LSP1: variants seen among roughly 807,000 people sequenced by gnomAD.
The protein encoded by LSP1 is lymphocyte specific protein 1.
LSP1 carries 32 observed loss-of-function variants against 49.3 expected under a neutral mutation model. The ratio of observed to expected loss-of-function variants is 0.65; its 90% CI spans 0.49 to 0.87. LSP1 has a LOEUF of 0.87. LSP1 is among the 40% of genes least tolerant of loss of function. The probability of loss-of-function intolerance (pLI) is 0.00; values close to 1 mark genes in which losing one functional copy is unlikely to be tolerated. For missense variants in LSP1, 428 were observed against 442.6 expected, an observed-to-expected ratio of 0.97 and a Z score of 0.30; for synonymous variants, 179 against 178.8, an observed-to-expected ratio of 1.00 and a Z score of -0.01.
intron 2 of LSP1, 50 bp downstream of exon 2, chr11:1,880,274 C>T: frequency 6.7e-7 from 1 of 1,494,726 alleles, no homozygotes; most frequent in Admixed American, 2.3e-5. Flanking sequence ...ATCCGTGTAC[C>T]CTGGGGCCTG....
Position 1,884,325 on chromosome 11 carries a change from T to C in LSP1, c.635+2T>C. 1 of 1,611,980 alleles carries C rather than the reference T, an allele frequency of 6.2e-7. No individual in the cohort carries two copies. Among genetic ancestry groups the C allele is most frequent in the African/African-American group, 1.3e-5 (1 of 74,854 alleles). The stretch of plus-strand genomic sequence containing the variant: ...CCTAAACCGCTCCATAGAGAAGAGG[T>C]CTGTCTGTCTGTCTGTCTGCTTTCT... On this transcript the variant is annotated splice_donor_variant, in intron 6 of 10. Coordinates refer to ENST00000311604, the MANE Select transcript of LSP1 (RefSeq NM_002339.3). LOFTEE classifies it high-confidence loss of function. This position sits in a 1 kb window ranked among gnomAD's most constrained non-coding sequence, Gnocchi z 4.1.
intron 1 of LSP1, chr11:1,868,867 G>T: frequency 1.0e-6 from 1 of 985,844 alleles, no homozygotes; most frequent in Non-Finnish European, 1.2e-6. Context: ...CGGCAGCCAG[G>T]GTGCCCTGGG....
chr11:1,854,417 G>A (rs376235684), intron 1 of LSP1, among the ~76,000 whole-genome samples: 8 of 152,196 alleles, frequency 5.3e-5, no homozygotes, highest in Non-Finnish European at 7.3e-5. Context: ...ACCACCTCCC[G>A]GCCTTCACAC....
chr11:1,873,844 G>GCTGGCAGAGCAGGGAGC (rs1848154730), intron 1 of LSP1, among the ~76,000 whole-genome samples: 7 of 114,852 alleles, frequency 6.1e-5, no homozygotes, highest in Non-Finnish European at 7.7e-5. Context: ...GAGGAGGGAG[G>GCTGGCAGAGCAGGGAGC]CCGGCAGAGG....
intron 1 of LSP1, chr11:1,870,167 C>A: frequency 2.6e-6 from 2 of 771,786 alleles, no homozygotes; most frequent in Non-Finnish European, 4.0e-6. Flanking sequence ...AGGACCAAGG[C>A]CGGTCCACTT....
At chr11:1,878,440 G>A (rs1313385693) in intron 1 of LSP1, among the ~76,000 whole-genome samples, 2 of 152,196 alleles carry the variant, frequency 1.3e-5, no homozygotes, top group Non-Finnish European at 2.9e-5. Flanking sequence ...GGGAGTTGAA[G>A]GCACTTCTGA....
rs1020067990 is a variant in LSP1, at chr11:1,866,319, C to T, written c.53+13122C>T. 2.2e-5 allele frequency: 14 copies of T among 647,094 alleles called. No homozygotes were observed. The South Asian group carries it at 4.1e-4, about 19-fold the overall frequency. The allele number at this position is 647,094 out of a possible 1,614,324, so 40.1% of individuals were successfully genotyped here. A position where few individuals can be genotyped will look rare whatever the true frequency, so the allele number is the denominator to read the frequency against. On this transcript the variant is annotated intron_variant, in intron 1 of 10. Coordinates refer to ENST00000311604, the MANE Select transcript of LSP1 (RefSeq NM_002339.3). ...CTGGCATCGGTCGGCTTGCCACTGC[C>T]CACCCAGGCCAGGCACTCAGTGCTG...
chr11:1,861,587 TTGGA>T (rs994155042), intron 1 of LSP1, among the ~76,000 whole-genome samples: 2 of 141,996 alleles, frequency 1.4e-5, no homozygotes, highest in African/African-American at 2.7e-5. Flanking sequence ...AGATGAATGG[TTGGA>T]TGGATGGATG....
At position 1,884,326 on chromosome 11, in the gene LSP1, C is replaced by T. The variant is rs762274269; in HGVS notation, c.635+3C>T. The stretch of plus-strand genomic sequence containing the variant: ...CTAAACCGCTCCATAGAGAAGAGGT[C>T]TGTCTGTCTGTCTGTCTGCTTTCTG... On this transcript the variant is annotated splice_donor_region_variant and intron_variant, in intron 6 of 10. Coordinates refer to ENST00000311604, the MANE Select transcript of LSP1 (RefSeq NM_002339.3). The surrounding 1 kb of genome is among the most constrained non-coding windows in gnomAD (Gnocchi z 4.1). 4.3e-6 allele frequency: 7 copies of T among 1,612,184 alleles called. No homozygotes were observed. In the East Asian group the frequency reaches 1.6e-4, roughly 36 times the overall value.
At chr11:1,857,601 GC>G (rs1472329400) in intron 1 of LSP1, among the ~76,000 whole-genome samples, 1 of 152,172 alleles carries the variant, frequency 6.6e-6, no homozygotes, top group Non-Finnish European at 1.5e-5. Flanking sequence ...GGGCTGCAAG[GC>G]CCCAGGGCTG....
intron 1 of LSP1, among the ~76,000 whole-genome samples, chr11:1,867,417 A>T (rs1212914686): frequency 8.1e-5 from 12 of 147,736 alleles, no homozygotes; most frequent in Non-Finnish European, 1.2e-4. Context: ...CACTGCCATG[A>T]TCTCTTCTCT....
chr11:1,880,366 G>A, intron 2 of LSP1, 142 bp downstream of exon 2: 1 of 1,065,012 alleles, frequency 9.4e-7, no homozygotes, highest in Non-Finnish European at 1.3e-6. Flanking sequence ...GAGCAGGCGT[G>A]GGAGTGGGTG....
At chr11:1,887,125 A>G in intron 8 of LSP1, 112 bp from the exon 9 acceptor site, 4 of 1,093,838 alleles carry the variant, frequency 3.7e-6, no homozygotes, top group Non-Finnish European at 5.2e-6. Context: ...TTAGGTAGGC[A>G]GATCCCAGGC....
At chr11:1,864,192 G>C (rs942358611) in intron 1 of LSP1, 31 of 986,476 alleles carry the variant, frequency 3.1e-5, no homozygotes, top group Non-Finnish European at 3.5e-5. Context: ...AGGAGGGGAC[G>C]GGACAAAGAG....
At chr11:1,854,097 C>A (rs1589802022) in intron 1 of LSP1, among the ~76,000 whole-genome samples, 1 of 152,192 alleles carries the variant, frequency 6.6e-6, no homozygotes. Context: ...GCGTGCGGTG[C>A]AGGGACAGGT....
At chr11:1,877,311 G>A (rs573978298) in intron 1 of LSP1, among the ~76,000 whole-genome samples, 3 of 152,298 alleles carry the variant, frequency 2.0e-5, no homozygotes, top group South Asian at 2.1e-4. Flanking sequence ...GGGAGGAGAC[G>A]TAGAAGGGGC....
At chr11:1,853,222 C>T (rs201008456) in intron 1 of LSP1, 25 bp downstream of exon 1, 30 of 1,601,322 alleles carry the variant, frequency 1.9e-5, no homozygotes, top group East Asian at 4.5e-5. Context: ...CGACGCCCGG[C>T]GCCCTGTGCC....
chr11:1,889,229 G>A (rs1166935759), intron 10 of LSP1: 2 of 674,794 alleles, frequency 3.0e-6, no homozygotes, highest in East Asian at 2.7e-5. Context: ...CTGTGGGAGG[G>A]GGCCGGGTGG....
chr11:1,890,407 T>G (rs1321648323), intron 10 of LSP1: 1 of 717,166 alleles, frequency 1.4e-6, no homozygotes, highest in Non-Finnish European at 2.6e-6. Flanking sequence ...CGGAAGGCCC[T>G]GGGTGGAGCG....
Sources: gnomAD v4.1 joint callset for allele counts (sites outside exome capture counted in the v4.1 genomes callset) on GRCh38, gnomAD v4.1.1 for gene constraint, Gnocchi (gnomAD v3.1) non-coding constraint, MANE v1.5 for transcripts, NCBI Gene and HGNC (gene_info 2026-07-23, HGNC 2026-07-21) for gene names.